Variants in PDGFC observed in about 807,000 individuals in gnomAD.
The protein encoded by PDGFC is platelet derived growth factor C, also known as platelet-derived growth factor C.
In PDGFC, 12 loss-of-function variants were observed where a neutral mutation model predicts 35.5. The observed-to-expected ratio is 0.34, with a 90% confidence interval of 0.22 to 0.55. PDGFC has a LOEUF of 0.55. Ranked by LOEUF, PDGFC falls within the 20% of genes least tolerant of loss-of-function variation. The probability of loss-of-function intolerance (pLI) is 0.91; values close to 1 mark genes in which losing one functional copy is unlikely to be tolerated. For missense variants in PDGFC, 322 were observed against 412.4 expected (o/e 0.78, Z 1.90); for synonymous variants, 159 against 148.8 (o/e 1.07, Z -0.50).
intron 1 of PDGFC, among the ~76,000 whole-genome samples, chr4:156,850,792 T>C (rs1729435007): frequency 6.7e-6 from 1 of 149,890 alleles, no homozygotes; most frequent in Admixed American, 6.6e-5. Context: ...ATAATTCTAT[T>C]TTAAAAAATA....
At chr4:156,913,244 T>A (rs1731079830) in intron 1 of PDGFC, among the ~76,000 whole-genome samples, 1 of 152,146 alleles carries the variant, frequency 6.6e-6, no homozygotes, top group Non-Finnish European at 1.5e-5. Context: ...CTATATCTTG[T>A]GAAATGTGAT....
At chr4:156,788,076 T>A (rs1270637435) in intron 3 of PDGFC, among the ~76,000 whole-genome samples, 2 of 152,118 alleles carry the variant, frequency 1.3e-5, no homozygotes, top group African/African-American at 4.8e-5. Context: ...ACAACATTCA[T>A]GGTGTGGGGG....
intron 3 of PDGFC, among the ~76,000 whole-genome samples, chr4:156,794,407 C>T (rs1164543148): frequency 6.6e-6 from 1 of 151,220 alleles, no homozygotes; most frequent in East Asian, 2.0e-4. Context: ...GAAATCTGGA[C>T]AAAATTTTGA....
At chr4:156,842,769 T>C (rs1257282065) in intron 2 of PDGFC, among the ~76,000 whole-genome samples, 2 of 152,190 alleles carry the variant, frequency 1.3e-5, no homozygotes, top group African/African-American at 4.8e-5. Flanking sequence ...TAACACTATT[T>C]GTAGTTCTCA....
chr4:156,896,278 A>G (rs1320575889), intron 1 of PDGFC, among the ~76,000 whole-genome samples: 3 of 152,106 alleles, frequency 2.0e-5, no homozygotes, highest in Non-Finnish European at 4.4e-5. Flanking sequence ...AGGATTAACA[A>G]CTCTCCACCA....
At chr4:156,872,871 C>T (rs1451397176) in intron 1 of PDGFC, among the ~76,000 whole-genome samples, 1 of 152,174 alleles carries the variant, frequency 6.6e-6, no homozygotes, top group East Asian at 1.9e-4. Context: ...TGGCTCATGC[C>T]TATAATCCCA....
At chr4:156,829,793 T>C (rs1477832708) in intron 2 of PDGFC, among the ~76,000 whole-genome samples, 2 of 152,172 alleles carry the variant, frequency 1.3e-5, no homozygotes, top group Middle Eastern at 3.2e-3. Context: ...TATATTCATA[T>C]ATTCAGAATT....
chr4:156,820,458 C>CA (rs376940343), intron 2 of PDGFC, among the ~76,000 whole-genome samples: 1 of 152,148 alleles, frequency 6.6e-6, no homozygotes, highest in South Asian at 2.1e-4. Flanking sequence ...AGGATGTGAG[C>CA]AAAAAGATGA....
chr4:156,918,513 A>G (rs1731200943), intron 1 of PDGFC, among the ~76,000 whole-genome samples: 1 of 152,224 alleles, frequency 6.6e-6, no homozygotes, highest in Non-Finnish European at 1.5e-5. Flanking sequence ...TGGGCCACAC[A>G]GCAGGAGGTG....
chr4:156,779,875 C>T (rs967310705), intron 3 of PDGFC, among the ~76,000 whole-genome samples: 1 of 152,166 alleles, frequency 6.6e-6, no homozygotes, highest in African/African-American at 2.4e-5. Context: ...AAAAAATTCA[C>T]CCTAGTGCAA....
At chr4:156,832,792 A>G (rs1418958384) in intron 2 of PDGFC, among the ~76,000 whole-genome samples, 1 of 152,206 alleles carries the variant, frequency 6.6e-6, no homozygotes, top group Non-Finnish European at 1.5e-5. Context: ...GACTTTTCCA[A>G]TATGTCGGTC....
At chr4:156,824,327 T>TACATAC (rs1732374436) in intron 2 of PDGFC, among the ~76,000 whole-genome samples, 2 of 102,844 alleles carry the variant, frequency 1.9e-5, no homozygotes, top group Non-Finnish European at 3.7e-5. Flanking sequence ...TATATATATA[T>TACATAC]ACACACACAC....
chr4:156,765,866 T>C (rs1021637731), intron 5 of PDGFC, among the ~76,000 whole-genome samples: 7 of 152,108 alleles, frequency 4.6e-5, no homozygotes, highest in African/African-American at 1.7e-4. Context: ...AGCTAATATA[T>C]ATTAATGGCA....
chr4:156,953,955 T>A (rs1165834822), intron 1 of PDGFC, among the ~76,000 whole-genome samples: 2 of 151,918 alleles, frequency 1.3e-5, no homozygotes, highest in East Asian at 3.9e-4. Flanking sequence ...AATATGAATA[T>A]AAATTAAGAC....
chr4:156,833,126 C>G (rs1172504409), intron 2 of PDGFC, among the ~76,000 whole-genome samples: 1 of 152,218 alleles, frequency 6.6e-6, no homozygotes, highest in Admixed American at 6.5e-5. Context: ...ATGGCCTCCA[C>G]AAGGCTGTAC....
chr4:156,811,123 G>C, intron 2 of PDGFC, 106 bp from the exon 3 acceptor site: 3 of 565,228 alleles, frequency 5.3e-6, no homozygotes, highest in Non-Finnish European at 8.9e-6. Flanking sequence ...ACAGCAGTGA[G>C]TTAATCCAAA....
intron 2 of PDGFC, among the ~76,000 whole-genome samples, chr4:156,831,164 G>C (rs2111021710): frequency 6.6e-6 from 1 of 152,186 alleles, no homozygotes; most frequent in Middle Eastern, 3.4e-3. Flanking sequence ...TAACATACAT[G>C]TTCATACACA....
At chr4:156,933,110 C>T (rs1470301677) in intron 1 of PDGFC, among the ~76,000 whole-genome samples, 1 of 142,084 alleles carries the variant, frequency 7.0e-6, no homozygotes, top group Non-Finnish European at 1.5e-5. Context: ...ACAAGAAAGT[C>T]AGCTAATTCA....
At chr4:156,943,384 C>T (rs1347257891) in intron 1 of PDGFC, among the ~76,000 whole-genome samples, 1 of 152,066 alleles carries the variant, frequency 6.6e-6, no homozygotes, top group East Asian at 1.9e-4. Flanking sequence ...GTGTGGTGCA[C>T]AGGCCAGCAG....
Sources: gnomAD v4.1 joint callset for allele counts (sites outside exome capture counted in the v4.1 genomes callset) on GRCh38, gnomAD v4.1.1 for gene constraint, MANE v1.5 for transcripts, NCBI Gene and HGNC (gene_info 2026-07-23, HGNC 2026-07-21) for gene names.